Variants in GXYLT2 observed in about 807,000 individuals in gnomAD.
GXYLT2 encodes glucoside xylosyltransferase 2, also known as glycosyltransferase 8 domain containing 4.
GXYLT2 carries 53 observed loss-of-function variants against 45.8 expected under a neutral mutation model. The ratio of observed to expected loss-of-function variants is 1.16; its 90% CI spans 0.93 to 1.46. GXYLT2 has a LOEUF of 1.46. GXYLT2 is among the 40% of genes most tolerant of loss of function. The pLI, the probability that GXYLT2 is intolerant of heterozygous loss-of-function variation, is 0.00. For synonymous variants in GXYLT2, 219 were observed against 214.2 expected (o/e 1.02, Z -0.19); for missense variants, 551 against 544.4 (o/e 1.01, Z -0.12).
chr3:72,938,815 A>G (rs1281466957), intron 3 of GXYLT2, among the ~76,000 whole-genome samples: 1 of 152,236 alleles, frequency 6.6e-6, no homozygotes, highest in Non-Finnish European at 1.5e-5. Flanking sequence ...GATGAAATCA[A>G]AGACCAAACA....
chr3:72,914,382 T>C (rs1709690237), intron 2 of GXYLT2, among the ~76,000 whole-genome samples: 1 of 151,986 alleles, frequency 6.6e-6, no homozygotes, highest in Non-Finnish European at 1.5e-5. Context: ...AGGCATGTGG[T>C]TGAGATTCGG....
chr3:72,932,824 G>A (rs1402866339), intron 3 of GXYLT2, among the ~76,000 whole-genome samples: 2 of 152,168 alleles, frequency 1.3e-5, no homozygotes, highest in African/African-American at 2.4e-5. Context: ...GCATTTAATG[G>A]AGACAAATTA....
At chr3:72,938,624 C>A (rs192271106) in intron 3 of GXYLT2, among the ~76,000 whole-genome samples, 1 of 152,266 alleles carries the variant, frequency 6.6e-6, no homozygotes, top group Non-Finnish European at 1.5e-5. Flanking sequence ...TGCTTGCTGG[C>A]TGGGATTGCA....
chr3:72,929,206 CT>C (rs1709977955), intron 3 of GXYLT2: 1 of 1,583,742 alleles, frequency 6.3e-7, no homozygotes, highest in Non-Finnish European at 8.6e-7. Context: ...TTGCCAAATA[CT>C]TTCTTCACCA....
chr3:72,893,991 A>G (rs1229103532), intron 1 of GXYLT2, among the ~76,000 whole-genome samples: 1 of 152,296 alleles, frequency 6.6e-6, no homozygotes, highest in East Asian at 1.9e-4. Context: ...GCCAACAGCT[A>G]TTGGTCCACA....
intron 2 of GXYLT2, among the ~76,000 whole-genome samples, chr3:72,910,441 T>A (rs986640922): frequency 6.6e-6 from 1 of 152,176 alleles, no homozygotes; most frequent in Admixed American, 6.5e-5. Context: ...TTTTGGCCTT[T>A]TTGAGCCTCA....
At chr3:72,918,921 T>C (rs998632544) in intron 2 of GXYLT2, among the ~76,000 whole-genome samples, 2 of 152,160 alleles carry the variant, frequency 1.3e-5, no homozygotes, top group Non-Finnish European at 2.9e-5. Context: ...TAACTTAAGA[T>C]AACAATGAAA....
At chr3:72,953,229 A>G (rs1351993522) in intron 3 of GXYLT2, among the ~76,000 whole-genome samples, 2 of 152,092 alleles carry the variant, frequency 1.3e-5, no homozygotes, top group Non-Finnish European at 2.9e-5. Context: ...ATGAAATTCA[A>G]ACTTCCGTGT....
At chr3:72,916,491 A>C in intron 2 of GXYLT2, among the ~76,000 whole-genome samples, 1 of 151,608 alleles carries the variant, frequency 6.6e-6, no homozygotes, top group Non-Finnish European at 1.5e-5. Flanking sequence ...CCTGGCCATA[A>C]ATTCTTGATA....
intron 6 of GXYLT2, among the ~76,000 whole-genome samples, chr3:72,974,267 A>G (rs1255966597): frequency 1.3e-5 from 2 of 152,212 alleles, no homozygotes; most frequent in African/African-American, 4.8e-5. Flanking sequence ...AATTTTAAAA[A>G]ATGGCAGTGA....
intron 5 of GXYLT2, among the ~76,000 whole-genome samples, chr3:72,965,773 T>G (rs1488752861): frequency 2.0e-5 from 3 of 152,076 alleles, no homozygotes; most frequent in African/African-American, 7.2e-5. Context: ...CTCCAAATAT[T>G]GCCAAATGGC....
intron 1 of GXYLT2, among the ~76,000 whole-genome samples, chr3:72,904,981 G>GGAGGTTGCAGTGAGCT (rs1366844450): frequency 2.0e-5 from 3 of 147,500 alleles, no homozygotes; most frequent in Admixed American, 6.7e-5. Context: ...CCTGGGAAAT[G>GGAGGTTGCAGTGAGCT]GAGGTTGCAG....
chr3:72,941,636 A>C (rs182593092), intron 3 of GXYLT2, among the ~76,000 whole-genome samples: 2 of 152,094 alleles, frequency 1.3e-5, no homozygotes, highest in African/African-American at 4.8e-5. Flanking sequence ...TTAACAAATT[A>C]TTTCTCACAG....
In GXYLT2 at chr3:72,888,071, C is replaced by CCGT; in HGVS notation, c.-160_-158dup. 1 of 237,272 alleles carries CCGT rather than the reference C, an allele frequency of 4.2e-6. No individual in the cohort carries two copies. Among genetic ancestry groups the CCGT allele is most frequent in the Non-Finnish European group, 6.8e-6 (1 of 147,110 alleles). 14.7% of individuals were successfully genotyped at this position (237,272 alleles called of 1,614,324 possible). On this transcript the variant is annotated 5_prime_UTR_variant, in exon 1 of 7. Coordinates refer to ENST00000389617, the MANE Select transcript of GXYLT2 (RefSeq NM_001080393.2). ...CTCTCCTCTCTCTCCTCCTCCTTCG[C>CCGT]CGTCGCCGCCGCCGCCGGCCGCCCG...
intron 2 of GXYLT2, among the ~76,000 whole-genome samples, chr3:72,921,706 G>T (rs926877263): frequency 6.6e-6 from 1 of 152,154 alleles, no homozygotes. Flanking sequence ...TGGGATTACA[G>T]GCATGAGCCA....
Position 72,963,399 on chromosome 3 carries a change from C to A in GXYLT2, c.977-4148C>A, listed in dbSNP as rs967011922. Among the ~76,000 whole-genome samples the A allele has an allele frequency of 2.6e-5, 4 of 152,078 alleles. No homozygotes were observed. The East Asian group carries it at 7.8e-4, about 30-fold the overall frequency. ...ACCAGCCTGGCCAACATGGCGAAAC[C>A]CTGTTTCTACTAAAAATACGAAACT... On this transcript the variant is annotated intron_variant, in intron 5 of 6. Transcript: ENST00000389617.
chr3:72,936,637 C>A (rs897929100), intron 3 of GXYLT2, among the ~76,000 whole-genome samples: 2 of 147,414 alleles, frequency 1.4e-5, no homozygotes, highest in Admixed American at 1.4e-4. Flanking sequence ...GAGACTCCAT[C>A]TCAAAAAACA....
intron 3 of GXYLT2, among the ~76,000 whole-genome samples, chr3:72,949,459 G>A (rs1575808037): frequency 6.8e-6 from 1 of 146,420 alleles, no homozygotes. Context: ...CCCCATTAAA[G>A]CTCCTGTGAA....
At chr3:72,953,235 C>T (rs949961501) in intron 3 of GXYLT2, among the ~76,000 whole-genome samples, 6 of 152,068 alleles carry the variant, frequency 3.9e-5, no homozygotes, top group Non-Finnish European at 5.9e-5. Flanking sequence ...TTCAAACTTC[C>T]GTGTCCTGAA....
Sources: allele counts gnomAD v4.1 joint callset (sites outside exome capture counted in the v4.1 genomes callset), GRCh38; gene constraint gnomAD v4.1.1; transcripts MANE v1.5; gene names NCBI Gene and HGNC (gene_info 2026-07-23, HGNC 2026-07-21).